Variants in PIK3R3 observed in about 807,000 individuals in gnomAD.
The protein encoded by PIK3R3 is phosphatidylinositol 3-kinase regulatory subunit gamma.
Under a neutral mutation model 62.9 loss-of-function variants are expected in PIK3R3, and 64 were observed. That is an observed-to-expected ratio of 1.02 (90% CI 0.83 to 1.25). The LOEUF is 1.25. Among genes scored for constraint, PIK3R3 ranks in the 50% most tolerant of loss-of-function variants. PIK3R3 has a pLI of 0.00. For missense variants in PIK3R3, 614 were observed against 561.6 expected (o/e 1.09, Z -0.94); for synonymous variants, 165 against 189.0 (o/e 0.87, Z 1.04).
chr1:46,105,414 G>C (rs1000154662), intron 1 of PIK3R3, among the ~76,000 whole-genome samples: 1 of 151,770 alleles, frequency 6.6e-6, no homozygotes, highest in Non-Finnish European at 1.5e-5. Context: ...CAGGAGAATC[G>C]CTCGAACTGA....
intron 1 of PIK3R3, among the ~76,000 whole-genome samples, chr1:46,085,897 A>G (rs1240870559): frequency 2.0e-5 from 3 of 152,202 alleles, no homozygotes; most frequent in Non-Finnish European, 4.4e-5. Flanking sequence ...AAACTATATT[A>G]CAAGTTTGGG....
chr1:46,124,284 T>C (rs1469859431), intron 1 of PIK3R3, among the ~76,000 whole-genome samples: 1 of 152,168 alleles, frequency 6.6e-6, no homozygotes, highest in Non-Finnish European at 1.5e-5. Flanking sequence ...AGAGAGGTTT[T>C]CTCTGGGCAG....
chr1:46,061,814 T>A (rs112791330), intron 6 of PIK3R3, 115 bp downstream of exon 6: 1 of 925,988 alleles, frequency 1.1e-6, no homozygotes, highest in East Asian at 2.5e-5. Flanking sequence ...CAGCAAGTGG[T>A]TCCAATAGTA....
chr1:46,133,692 G>A (rs1187205873), upstream of PIK3R3, among the ~76,000 whole-genome samples: 2 of 152,072 alleles, frequency 1.3e-5, no homozygotes, highest in Non-Finnish European at 2.9e-5. Flanking sequence ...TCTGAGGGAG[G>A]CATTTCGCAG....
chr1:46,072,318 T>G (rs1649611511), intron 3 of PIK3R3, among the ~76,000 whole-genome samples: 1 of 152,224 alleles, frequency 6.6e-6, no homozygotes, highest in Admixed American at 6.5e-5. Context: ...TTAAATTGAA[T>G]TAAGATCATC....
chr1:46,076,353 G>A (rs1033288630), intron 3 of PIK3R3, among the ~76,000 whole-genome samples: 5 of 152,326 alleles, frequency 3.3e-5, no homozygotes, highest in South Asian at 4.1e-4. Context: ...AAAGTGTGAC[G>A]TCTTAACAGC....
chr1:46,046,446 T>C lies in PIK3R3; in HGVS notation c.1016+105A>G, dbSNP rs544531104. 159 of 791,228 alleles carry C rather than the reference T, an allele frequency of 2.0e-4. 2 individuals carry two copies. In the South Asian group the frequency reaches 2.4e-3, roughly 12 times the overall value. 49.0% of individuals were successfully genotyped at this position (791,228 alleles called of 1,614,324 possible). ...AAGATAGTCAAAGTTCTAGATTCAA[T>C]GTCCTCAAGTGACAATGACAACCAA... On this transcript the variant is annotated intron_variant, in intron 8 of 9. Transcript: ENST00000262741.
intron 1 of PIK3R3, among the ~76,000 whole-genome samples, chr1:46,123,956 C>G (rs934600364): frequency 7.9e-5 from 12 of 152,092 alleles, no homozygotes; most frequent in Admixed American, 4.6e-4. Flanking sequence ...TTGACATTTC[C>G]ATAGACTCAT....
intron 7 of PIK3R3, among the ~76,000 whole-genome samples, chr1:46,051,622 A>C (rs921575580): frequency 6.6e-6 from 1 of 152,024 alleles, no homozygotes; most frequent in Non-Finnish European, 1.5e-5. Context: ...AAACTCATCA[A>C]TTCCCTAAGC....
chr1:46,155,711 C>T, the PIK3R3 span, among the ~76,000 whole-genome samples: 1 of 152,160 alleles, frequency 6.6e-6, no homozygotes, highest in African/African-American at 2.4e-5. Context: ...ATCTGCCCAC[C>T]TTGGCCTCCC....
chr1:46,141,030 T>A, the PIK3R3 span, among the ~76,000 whole-genome samples: 1 of 151,844 alleles, frequency 6.6e-6, no homozygotes, highest in Non-Finnish European at 1.5e-5. Context: ...CTGGCTAATT[T>A]TTTTTTCTTT....
the PIK3R3 span, among the ~76,000 whole-genome samples, chr1:46,151,945 T>G: frequency 6.6e-6 from 1 of 152,126 alleles, no homozygotes; most frequent in Admixed American, 6.5e-5. Flanking sequence ...AGTAGAAGAA[T>G]CTAAAAGACC....
In PIK3R3 at chr1:46,042,888, C is replaced by G. The variant is rs1647021243; in HGVS notation, c.*785G>C. 5.0e-6 allele frequency: 1 copy of G among 201,468 alleles called. No homozygotes were observed. The allele number at this position is 201,468 out of a possible 1,614,324, so 12.5% of individuals were successfully genotyped here. ...GACAGAAGGGGTTAGTTACAGTGAT[C>G]AATTTTAGCGTTTGCTAAAACTCAC... On this transcript the variant is annotated 3_prime_UTR_variant, in exon 10 of 10. Transcript: ENST00000262741. The surrounding 1 kb of genome is among the most constrained non-coding windows in gnomAD (Gnocchi z 4.3).
chr1:46,114,666 A>C (rs2149459406), intron 1 of PIK3R3, among the ~76,000 whole-genome samples: 1 of 152,016 alleles, frequency 6.6e-6, no homozygotes, highest in Non-Finnish European at 1.5e-5. Flanking sequence ...GTGCAGTGGC[A>C]TAATCACAGC....
At chr1:46,163,833 G>C in the PIK3R3 span, among the ~76,000 whole-genome samples, 1 of 152,156 alleles carries the variant, frequency 6.6e-6, no homozygotes, top group African/African-American at 2.4e-5. Flanking sequence ...GTAAAATAGA[G>C]ACGGTAATCT....
intron 1 of PIK3R3, among the ~76,000 whole-genome samples, chr1:46,081,275 T>C (rs1416912341): frequency 6.6e-6 from 1 of 152,212 alleles, no homozygotes; most frequent in Admixed American, 6.5e-5. Context: ...AATTTCAATG[T>C]ATATAAACAT....
rs778586944 is a variant in PIK3R3, at chr1:46,067,059, T to C, written c.347A>G (p.Tyr116Cys). The change falls in exon 4 of 10, where the codon TAT becomes TGT. Residue 116 changes from tyrosine (Y) to cysteine (C), a missense_variant. Tyr to Cys is a radical substitution (Grantham distance 194). Coordinates refer to ENST00000262741, the MANE Select transcript of PIK3R3 (RefSeq NM_003629.4). ...AAAGCCATATTTACCATCCCGGTGA[T>C]AGATCTTTATTAACTTATTATTGCC... ...KGGNNKLIKIYHRDGKYGFSD... is the reference protein window; with the variant it reads ...KGGNNKLIKICHRDGKYGFSD... The C allele has an allele frequency of 4.4e-6, 7 of 1,591,224 alleles. No homozygotes were observed. The highest frequency in any genetic ancestry group is 4.6e-5 in the East Asian group (2 of 43,016).
rs371659363 is a variant in PIK3R3 at position 46,105,747 on chromosome 1, G to A, written c.107-24997C>T. On this transcript the variant is annotated intron_variant, in intron 1 of 9. Coordinates refer to ENST00000262741, the MANE Select transcript of PIK3R3 (RefSeq NM_003629.4). ...GAGGCATGAGAATCGCTTGAACCCC[G>A]GGGCTGGGGTGGAAGGGGGAGGTGG... Among the ~76,000 whole-genome samples the A allele has an allele frequency of 5.0e-4, 76 of 151,818 alleles. No individual in the cohort carries two copies. In the South Asian group the frequency reaches 9.6e-3, roughly 19 times the overall value.
At chr1:46,109,903 C>T (rs1653580312) in intron 1 of PIK3R3, among the ~76,000 whole-genome samples, 1 of 152,200 alleles carries the variant, frequency 6.6e-6, no homozygotes, top group Admixed American at 6.5e-5. Context: ...TCAAACTCTT[C>T]AGCATGGCAT....
Sources: allele counts gnomAD v4.1 joint callset (sites outside exome capture counted in the v4.1 genomes callset), GRCh38; gene constraint gnomAD v4.1.1; non-coding constraint Gnocchi (gnomAD v3.1); transcripts MANE v1.5; gene names NCBI Gene and HGNC (gene_info 2026-07-23, HGNC 2026-07-21).